ARHGAP28: variants seen among roughly 807,000 people sequenced by gnomAD.
ARHGAP28 encodes Rho GTPase activating protein 28, also known as rho GTPase-activating protein 28.
Under a neutral mutation model 90.7 loss-of-function variants are expected in ARHGAP28, and 56 were observed. That is an observed-to-expected ratio of 0.62 (90% CI 0.50 to 0.77). ARHGAP28 has a LOEUF of 0.77. Ranked by LOEUF, ARHGAP28 falls within the 30% of genes least tolerant of loss-of-function variation. The pLI is 0.00. For synonymous variants in ARHGAP28, 308 were observed against 323.3 expected, an observed-to-expected ratio of 0.95 and a Z score of 0.51; for missense variants, 869 against 900.9, an observed-to-expected ratio of 0.96 and a Z score of 0.45.
chr18:6,736,499 G>C (rs1269339061), intron 1 of ARHGAP28, among the ~76,000 whole-genome samples: 1 of 151,932 alleles, frequency 6.6e-6, no homozygotes, highest in African/African-American at 2.4e-5. Flanking sequence ...CAGCACTTTG[G>C]GAGGCCGAGG....
intron 1 of ARHGAP28, among the ~76,000 whole-genome samples, chr18:6,751,705 A>G (rs1305013174): frequency 6.6e-6 from 1 of 152,226 alleles, no homozygotes; most frequent in East Asian, 1.9e-4. Context: ...CCCTAGAGTG[A>G]ACTGCCAGCC....
intron 5 of ARHGAP28, among the ~76,000 whole-genome samples, chr18:6,867,487 C>A (rs2057046273): frequency 6.6e-6 from 1 of 151,944 alleles, no homozygotes; most frequent in Non-Finnish European, 1.5e-5. Context: ...TTACTGATAC[C>A]CATCCAGACC....
intron 1 of ARHGAP28, among the ~76,000 whole-genome samples, chr18:6,784,190 C>T (rs1327723490): frequency 1.3e-5 from 2 of 152,100 alleles, no homozygotes; most frequent in Non-Finnish European, 2.9e-5. Context: ...TCTGGGCTGG[C>T]TTGCTCCTGG....
intron 1 of ARHGAP28, among the ~76,000 whole-genome samples, chr18:6,765,852 T>G (rs1167051925): frequency 1.3e-5 from 2 of 152,202 alleles, no homozygotes; most frequent in Non-Finnish European, 2.9e-5. Context: ...CTAATTTCTC[T>G]TGGGATTTCT....
At chr18:6,882,043 C>CA in intron 10 of ARHGAP28, 94 bp from the exon 11 acceptor site, 1 of 1,241,588 alleles carries the variant, frequency 8.1e-7, no homozygotes, top group Non-Finnish European at 1.1e-6. Context: ...AGTCTGTTTA[C>CA]AAAAACAGTT....
chr18:6,878,899 C>T (rs900199662), intron 10 of ARHGAP28, among the ~76,000 whole-genome samples: 1 of 152,184 alleles, frequency 6.6e-6, no homozygotes, highest in African/African-American at 2.4e-5. Flanking sequence ...AAACTACCTC[C>T]TTTTTTGTAA....
At chr18:6,876,238 G>T (rs772688620) in intron 10 of ARHGAP28, 30 bp downstream of exon 10, 1 of 1,569,342 alleles carries the variant, frequency 6.4e-7, no homozygotes, top group Admixed American at 1.7e-5. Context: ...TTCCTAGGTA[G>T]AGTTCTAAGC....
At chr18:6,811,515 T>G (rs954395461) in intron 1 of ARHGAP28, among the ~76,000 whole-genome samples, 1 of 152,198 alleles carries the variant, frequency 6.6e-6, no homozygotes, top group Non-Finnish European at 1.5e-5. Flanking sequence ...CTATTATATG[T>G]CTATTAAGTA....
chr18:6,890,894 T>C (rs2057260181), intron 14 of ARHGAP28, among the ~76,000 whole-genome samples: 4 of 152,228 alleles, frequency 2.6e-5, no homozygotes. Context: ...TGTCTAATAC[T>C]TGGGAAAAGA....
chr18:6,755,103 G>A (rs922874052), intron 1 of ARHGAP28, among the ~76,000 whole-genome samples: 12 of 152,132 alleles, frequency 7.9e-5, no homozygotes, highest in African/African-American at 2.7e-4. Context: ...AACCCAGGAG[G>A]CAGAGGCTGC....
At chr18:6,902,863 T>C (rs927077117) in intron 16 of ARHGAP28, among the ~76,000 whole-genome samples, 2 of 152,172 alleles carry the variant, frequency 1.3e-5, no homozygotes, top group Non-Finnish European at 2.9e-5. Flanking sequence ...GACATTTTAC[T>C]CTCATGTTCA....
chr18:6,882,254 C>T lies in ARHGAP28; in HGVS notation c.1408C>T (p.Leu470Phe), dbSNP rs1233278869. The T allele has an allele frequency of 6.2e-7, 1 of 1,614,072 alleles. No individual in the cohort carries two copies. Among genetic ancestry groups the T allele is most frequent in the Non-Finnish European group, 8.5e-7 (1 of 1,179,984 alleles). Residue 470 changes from leucine to phenylalanine, a missense_variant, in exon 11 of 18, where the codon CTC becomes TTC. Leu to Phe is a conservative substitution (Grantham distance 22). Coordinates refer to ENST00000383472, the MANE Select transcript of ARHGAP28 (RefSeq NM_001366230.1). ...KAFFRELPTS[L>F]FPVEYIPAFI... is the part of the protein sequence containing the mutation. ...GTTTTTCAGAGAACTACCCACCTCTCTCTTCCCTGTGGAATATATACCTGC... is the reference window on the plus strand; with the variant it reads ...GTTTTTCAGAGAACTACCCACCTCTTTCTTCCCTGTGGAATATATACCTGC...
chr18:6,761,167 G>A (rs2056156595), intron 1 of ARHGAP28, among the ~76,000 whole-genome samples: 1 of 151,838 alleles, frequency 6.6e-6, no homozygotes. Flanking sequence ...GGGGGTGGGG[G>A]TGAGGGCAGG....
intron 3 of ARHGAP28, 177 bp from the exon 4 acceptor site, chr18:6,850,857 A>T: frequency 3.9e-6 from 6 of 1,536,718 alleles, no homozygotes; most frequent in Non-Finnish European, 5.2e-6. Context: ...ATGAGGATCA[A>T]TGTAATTATG....
At chr18:6,768,235 C>T (rs1310186097) in intron 1 of ARHGAP28, among the ~76,000 whole-genome samples, 2 of 151,886 alleles carry the variant, frequency 1.3e-5, no homozygotes, top group Admixed American at 1.3e-4. Flanking sequence ...TTTTTATGTC[C>T]TTATGTGCTA....
intron 1 of ARHGAP28, among the ~76,000 whole-genome samples, chr18:6,781,379 C>T (rs1350491867): frequency 2.0e-5 from 3 of 152,156 alleles, no homozygotes; most frequent in African/African-American, 7.2e-5. Context: ...CTCTGCAGCC[C>T]CTGCCACGGG....
At chr18:6,820,670 A>T (rs2056620791) in intron 1 of ARHGAP28, among the ~76,000 whole-genome samples, 1 of 152,262 alleles carries the variant, frequency 6.6e-6, no homozygotes, top group African/African-American at 2.4e-5. Flanking sequence ...TTAAAAGAAC[A>T]TCAAAGAATT....
intron 5 of ARHGAP28, among the ~76,000 whole-genome samples, chr18:6,866,115 T>C (rs2057036533): frequency 6.6e-6 from 1 of 152,166 alleles, no homozygotes; most frequent in African/African-American, 2.4e-5. Flanking sequence ...ACATCCCAAC[T>C]CAGGTAACGT....
At chr18:6,769,990 C>T (rs866435155) in intron 1 of ARHGAP28, among the ~76,000 whole-genome samples, 1 of 152,174 alleles carries the variant, frequency 6.6e-6, no homozygotes, top group Admixed American at 6.5e-5. Context: ...AAGGTAACTT[C>T]GTCTTATTTA....
Sources: gnomAD v4.1 joint callset for allele counts (sites outside exome capture counted in the v4.1 genomes callset) on GRCh38, gnomAD v4.1.1 for gene constraint, MANE v1.5 for transcripts, NCBI Gene and HGNC (gene_info 2026-07-23, HGNC 2026-07-21) for gene names.